Variants in WNT11 observed in about 807,000 individuals in gnomAD.
WNT11 encodes the protein Wnt family member 11.
A neutral mutation model predicts 35.6 loss-of-function variants in WNT11; 20 were observed. That is an observed-to-expected ratio of 0.56 (90% CI 0.40 to 0.82). The LOEUF is 0.82. Ranked by LOEUF, WNT11 falls within the 40% of genes least tolerant of loss-of-function variation. The pLI is 0.00. For synonymous variants in WNT11, 200 were observed against 211.9 expected, an observed-to-expected ratio of 0.94 and a Z score of 0.49; for missense variants, 459 against 504.4, an observed-to-expected ratio of 0.91 and a Z score of 0.86.
intron 3 of WNT11, 33 bp from the exon 4 acceptor site, chr11:76,191,889 C>T (rs1179596783): frequency 6.3e-7 from 1 of 1,576,348 alleles, no homozygotes. Context: ...GCTGGGTGGC[C>T]AGAGTCCCCT....
intron 2 of WNT11, 70 bp downstream of exon 2, chr11:76,196,413 C>T (rs1206157748): frequency 3.8e-6 from 6 of 1,563,282 alleles, no homozygotes; most frequent in Non-Finnish European, 5.3e-6. Context: ...TCCATCTAAA[C>T]ACACACAGAT....
intron 1 of WNT11, among the ~76,000 whole-genome samples, chr11:76,197,259 T>C (rs1191285576): frequency 6.6e-6 from 1 of 152,232 alleles, no homozygotes; most frequent in Non-Finnish European, 1.5e-5. Flanking sequence ...ATTTATTATG[T>C]TGTAAAGTCC....
At chr11:76,193,016 C>T (rs1188049097) in intron 3 of WNT11, among the ~76,000 whole-genome samples, 1 of 152,170 alleles carries the variant, frequency 6.6e-6, no homozygotes, top group Admixed American at 6.5e-5. Flanking sequence ...GACTCCTTCC[C>T]CTCACCAGTG....
chr11:76,198,319 C>T (rs1378415103), intron 1 of WNT11, among the ~76,000 whole-genome samples: 1 of 152,232 alleles, frequency 6.6e-6, no homozygotes, highest in Non-Finnish European at 1.5e-5. Context: ...GAAGCTACTA[C>T]AGTTACCACC....
At position 76,194,422 on chromosome 11, in the gene WNT11, G is replaced by A; in HGVS notation, c.597+145C>T. 1 of 984,248 alleles carries A rather than the reference G, an allele frequency of 1.0e-6. No individual in the cohort carries two copies. The highest frequency in any genetic ancestry group is 1.5e-6 in the Non-Finnish European group (1 of 681,612). The allele number at this position is 984,248 out of a possible 1,614,324, so 61.0% of individuals were successfully genotyped here. A position where few individuals can be genotyped will look rare whatever the true frequency, so the allele number is the denominator to read the frequency against. On this transcript the variant is annotated intron_variant, in intron 3 of 4. Coordinates refer to ENST00000322563, the MANE Select transcript of WNT11 (RefSeq NM_004626.3). This position sits in a 1 kb window ranked among gnomAD's most constrained non-coding sequence, Gnocchi z 5.4. ...AGCAGCTGGCGAGGGAAGGGCTGAG[G>A]ATGAGGATGGTGCGAGGCACATCAG...
intron 1 of WNT11, 148 bp from the exon 2 acceptor site, chr11:76,196,866 A>G: frequency 1.1e-6 from 1 of 879,634 alleles, no homozygotes; most frequent in Middle Eastern, 3.6e-4. Context: ...AAGGCTCCCA[A>G]ACTGTCAGCT....
chr11:76,208,989 G>C (rs1012423132), upstream of WNT11, among the ~76,000 whole-genome samples: 2 of 152,194 alleles, frequency 1.3e-5, no homozygotes, highest in Non-Finnish European at 2.9e-5. Flanking sequence ...GCTCGAGGAG[G>C]GGGGAATCGC....
At chr11:76,196,854 A>G in intron 1 of WNT11, 136 bp from the exon 2 acceptor site, 1 of 986,784 alleles carries the variant, frequency 1.0e-6, no homozygotes, top group Non-Finnish European at 1.5e-6. Flanking sequence ...CTCCTTCCAA[A>G]AAAGGCTCCC....
chr11:76,204,113 C>T (rs186254280), intron 1 of WNT11, among the ~76,000 whole-genome samples: 45 of 152,290 alleles, frequency 3.0e-4, no homozygotes, highest in African/African-American at 1.1e-3. Context: ...CAAAGTGAGG[C>T]CATGTGTGTG....
chr11:76,205,254 T>A (rs1277976175), intron 1 of WNT11, among the ~76,000 whole-genome samples: 2 of 152,202 alleles, frequency 1.3e-5, no homozygotes, highest in African/African-American at 4.8e-5. Context: ...GTCTTCCAAC[T>A]AATTCACAAA....
intron 4 of WNT11, among the ~76,000 whole-genome samples, chr11:76,189,934 G>A (rs1185388790): frequency 2.0e-5 from 3 of 152,224 alleles, no homozygotes; most frequent in Admixed American, 1.3e-4. Context: ...GAGCCGCAAG[G>A]CAGGAAACCT....
At chr11:76,205,666 C>T (rs745878955) in intron 1 of WNT11, among the ~76,000 whole-genome samples, 2 of 152,228 alleles carry the variant, frequency 1.3e-5, no homozygotes, top group Admixed American at 1.3e-4. Flanking sequence ...CCACCCCCAG[C>T]CCCCTGAGCA....
At position 76,191,576 on chromosome 11, in the gene WNT11, C is replaced by A; in HGVS notation, c.878G>T (p.Gly293Val). The change falls in exon 4 of 5, where the codon GGG (glycine) becomes GTG (valine). Residue 293 changes from glycine (G) to valine (V), a missense_variant. Physicochemically the swap from Gly to Val is moderately radical, Grantham distance 109 (BLOSUM62 -3). Transcript: ENST00000322563. ...CMKNEKVGSHGTQDRQCNKTS... is the reference protein window; with the variant it reads ...CMKNEKVGSHVTQDRQCNKTS... ...CAGCAGGCCTCACCTGTCTTGTGTCCCGTGGGAGCCCACCTTCTCATTCTT... is the reference window on the plus strand; with the variant it reads ...CAGCAGGCCTCACCTGTCTTGTGTCACGTGGGAGCCCACCTTCTCATTCTT... The A allele has an allele frequency of 6.2e-7, 1 of 1,611,022 alleles. No individual in the cohort carries two copies. The highest frequency in any genetic ancestry group is 1.1e-5 in the South Asian group (1 of 91,044).
At chr11:76,208,511 T>G (rs946716818), upstream of WNT11, among the ~76,000 whole-genome samples, 3 of 152,100 alleles carry the variant, frequency 2.0e-5, no homozygotes, top group Non-Finnish European at 2.9e-5. Flanking sequence ...GAGAAAAATA[T>G]CCGCTGGATA....
rs1051229461 is a variant in WNT11, at chr11:76,194,596, G to A, written c.568C>T (p.Arg190Cys). 7.7e-6 allele frequency: 12 copies of A among 1,550,190 alleles called. No homozygotes were observed. Among genetic ancestry groups the A allele is most frequent in the South Asian group, 3.6e-5 (3 of 83,992 alleles). The change falls in exon 3 of 5, where the codon CGT becomes TGT. Residue 190 changes from arginine (R) to cysteine (C), a missense_variant. Transcript: ENST00000322563. This position sits in a 1 kb window ranked among gnomAD's most constrained non-coding sequence, Gnocchi z 5.4. ...CTCCCCACTTCACTGTTGTGTAGAC[G>A]CATCAGTTTATTGGCTTGGGATCCT... is the stretch of plus-strand genomic sequence containing the variant. ...KTGSQANKLM[R>C]LHNSEVGRQA...
intron 1 of WNT11, among the ~76,000 whole-genome samples, chr11:76,204,117 G>A (rs879479761): frequency 6.6e-6 from 1 of 152,178 alleles, no homozygotes; most frequent in Non-Finnish European, 1.5e-5. Flanking sequence ...GTGAGGCCAT[G>A]TGTGTGTAGA....
At chr11:76,191,250 T>C (rs902174593) in intron 4 of WNT11, among the ~76,000 whole-genome samples, 2 of 152,216 alleles carry the variant, frequency 1.3e-5, no homozygotes, top group Non-Finnish European at 2.9e-5. Flanking sequence ...GTTCCTGTCC[T>C]GTCCCCCAGT....
chr11:76,207,517 C>T (rs1365023369), upstream of WNT11, among the ~76,000 whole-genome samples: 1 of 151,678 alleles, frequency 6.6e-6, no homozygotes, highest in Non-Finnish European at 1.5e-5. Flanking sequence ...GCCGGGTGTC[C>T]GGCGAAATCA....
chr11:76,209,604 A>G (rs1953529438), upstream of WNT11, among the ~76,000 whole-genome samples: 1 of 144,478 alleles, frequency 6.9e-6, no homozygotes, highest in Admixed American at 6.9e-5. Context: ...CGGGCCTGCC[A>G]CCCGGCTTTG....
Sources: gnomAD v4.1 joint callset for allele counts (sites outside exome capture counted in the v4.1 genomes callset) on GRCh38, gnomAD v4.1.1 for gene constraint, Gnocchi (gnomAD v3.1) non-coding constraint, MANE v1.5 for transcripts, NCBI Gene and HGNC (gene_info 2026-07-23, HGNC 2026-07-21) for gene names.